IGF2R: variants seen among roughly 807,000 people sequenced by gnomAD.
The protein encoded by IGF2R is insulin like growth factor 2 receptor.
IGF2R carries 91 observed loss-of-function variants against 270.6 expected under a neutral mutation model. The observed-to-expected ratio is 0.34, with a 90% confidence interval of 0.28 to 0.40. The LOEUF is 0.40. IGF2R is among the 10% of genes least tolerant of loss of function. IGF2R has a pLI of 1.00. For missense variants in IGF2R, 2,805 were observed against 3,188.3 expected (o/e 0.88, Z 2.90); for synonymous variants, 1,316 against 1,258.9 (o/e 1.05, Z -0.96).
At chr6:159,970,602 G>A (rs1334431342) in intron 1 of IGF2R, among the ~76,000 whole-genome samples, 1 of 152,120 alleles carries the variant, frequency 6.6e-6, no homozygotes, top group African/African-American at 2.4e-5. Context: ...TTTTGGAAGG[G>A]GAAGGGTGGA....
At position 160,059,368 on chromosome 6, in the gene IGF2R, C is replaced by T. The variant is rs138485971; in HGVS notation, c.3091+270C>T. Among the ~76,000 whole-genome samples the T allele has an allele frequency of 4.5e-4, 69 of 152,350 alleles. 1 individual carries two copies. The highest frequency in any genetic ancestry group is 6.8e-3 in the Middle Eastern group (2 of 294). On this transcript the variant is annotated intron_variant, in intron 22 of 47. Transcript: ENST00000356956. The stretch of plus-strand genomic sequence containing the variant: ...GAAAGAATGAGAGAAACCACATTCA[C>T]GTAACTGTCATTACAGATATTGTTA...
chr6:159,995,400 CT>C (rs1248848163), intron 2 of IGF2R, among the ~76,000 whole-genome samples: 1 of 151,254 alleles, frequency 6.6e-6, no homozygotes, highest in Non-Finnish European at 1.5e-5. Flanking sequence ...CAATCTATAT[CT>C]TTTATGTAAA....
At position 159,992,728 on chromosome 6, in the gene IGF2R, T is replaced by C. The variant is rs530133504; in HGVS notation, c.289+1405T>C. 4.6e-5 allele frequency among the ~76,000 whole-genome samples: 7 copies of C among 152,296 alleles called. No individual in the cohort carries two copies. The South Asian group carries it at 1.2e-3, about 27-fold the overall frequency. On this transcript the variant is annotated intron_variant, in intron 2 of 47. Transcript: ENST00000356956. ...TATGGATAGTGCTGTGATAAACATA[T>C]GAGTGCAGGTGTCTTTCTGATGATT...
intron 4 of IGF2R, among the ~76,000 whole-genome samples, chr6:160,019,556 C>A (rs572809186): frequency 8.5e-5 from 13 of 152,170 alleles, no homozygotes; most frequent in Admixed American, 2.6e-4. Flanking sequence ...TAAACAGATT[C>A]AAAAATCTCA....
At chr6:160,054,642 A>G (rs1194031031) in intron 19 of IGF2R, among the ~76,000 whole-genome samples, 9 of 152,222 alleles carry the variant, frequency 5.9e-5, no homozygotes, top group African/African-American at 2.2e-4. Context: ...CGTCATGGAC[A>G]GGAATGCAAT....
At chr6:160,025,093 C>T (rs952937478) in intron 5 of IGF2R, among the ~76,000 whole-genome samples, 2 of 152,112 alleles carry the variant, frequency 1.3e-5, no homozygotes, top group African/African-American at 2.4e-5. Context: ...GGTACTTGGT[C>T]GGGATGCATA....
At chr6:160,038,332 T>C (rs906432294) in intron 10 of IGF2R, among the ~76,000 whole-genome samples, 9 of 152,222 alleles carry the variant, frequency 5.9e-5, no homozygotes, top group Non-Finnish European at 1.3e-4. Flanking sequence ...TGCTTAAATA[T>C]CAACCCAAGT....
intron 4 of IGF2R, among the ~76,000 whole-genome samples, chr6:160,023,012 T>C (rs1044402350): frequency 6.6e-6 from 1 of 152,156 alleles, no homozygotes; most frequent in Non-Finnish European, 1.5e-5. Context: ...AGTTGGAATT[T>C]CCTTCTCAGT....
intron 1 of IGF2R, among the ~76,000 whole-genome samples, chr6:159,984,203 CAATGACGG>C (rs557751699): frequency 1.4e-4 from 21 of 152,280 alleles, no homozygotes; most frequent in Non-Finnish European, 2.5e-4. Context: ...GCGTTTTGGC[CAATGACGG>C]ACTGCATAAA....
chr6:160,005,781 C>A (rs1478642207), intron 2 of IGF2R: 2 of 149,010 alleles, frequency 1.3e-5, no homozygotes, highest in African/African-American at 5.0e-5. Context: ...TTCCGCGCCT[C>A]CTTGGCCCCT....
At position 159,991,313 on chromosome 6, in the gene IGF2R, T is replaced by C. The variant is rs150881942; in HGVS notation, c.279T>C (p.Tyr93=). The C allele has an allele frequency of 2.2e-5, 35 of 1,609,752 alleles. No homozygotes were observed. The African/African-American group carries it at 2.3e-4, about 10-fold the overall frequency. The stretch of plus-strand genomic sequence containing the variant: ...TGCACGACTTGAAGACACGCACTTA[T>C]CATTCAGTGGGTAAGTAGAACTACC... The part of the protein sequence containing the change: ...VCMHDLKTRT[Y]HSVGDSVLRS... The change falls in exon 2 of 48, where the codon TAT becomes TAC. Residue 93 remains tyrosine (Y), a synonymous_variant. Coordinates refer to ENST00000356956, the MANE Select transcript of IGF2R (RefSeq NM_000876.4).
At chr6:160,028,909 A>T (rs568086387) in intron 6 of IGF2R, among the ~76,000 whole-genome samples, 38 of 150,346 alleles carry the variant, frequency 2.5e-4, no homozygotes, top group East Asian at 1.7e-3. Context: ...TCCTTTTTTT[A>T]AAAAAAATAA....
At chr6:160,075,053 G>A (rs1778825805) in intron 35 of IGF2R, among the ~76,000 whole-genome samples, 1 of 152,216 alleles carries the variant, frequency 6.6e-6, no homozygotes, top group East Asian at 1.9e-4. Flanking sequence ...AGTGGTGAAT[G>A]AAGAGCACTG....
rs771843243 is a variant in IGF2R at position 160,096,530 on chromosome 6, C to T, written c.6747C>T (p.Asp2249=). The change falls in exon 45 of 48, where the codon GAC becomes GAT. Residue 2249 remains aspartate (D), a synonymous_variant. Coordinates refer to ENST00000356956, the MANE Select transcript of IGF2R (RefSeq NM_000876.4). The part of the protein sequence containing the change: ...SVSSTIFFHC[D]PLVEDGIPEF... ...CTTCCACCATCTTCTTCCACTGTGA[C>T]CCTCTGGTGGAGGACGGGATCCCCG... The T allele has an allele frequency of 2.9e-5, 46 of 1,613,954 alleles. No homozygotes were observed. The East Asian group carries it at 1.0e-3, about 35-fold the overall frequency.
chr6:160,037,500 T>A (rs998276830), intron 10 of IGF2R, among the ~76,000 whole-genome samples: 6 of 152,228 alleles, frequency 3.9e-5, no homozygotes, highest in African/African-American at 1.2e-4. Context: ...GGCTATGTAA[T>A]AGAAGTGTGG....
chr6:160,099,550 G>A (rs983234869), intron 45 of IGF2R, among the ~76,000 whole-genome samples: 7 of 152,132 alleles, frequency 4.6e-5, no homozygotes, highest in African/African-American at 1.7e-4. Context: ...TGTATTTTTA[G>A]TAGAGACGGG....
At chr6:159,980,424 G>A (rs1783781754) in intron 1 of IGF2R, among the ~76,000 whole-genome samples, 1 of 152,208 alleles carries the variant, frequency 6.6e-6, no homozygotes. Flanking sequence ...TTGTGAATTT[G>A]TGATCAGAGA....
rs1261120450 is a variant in IGF2R at position 160,045,896 on chromosome 6, C to T, written c.1903+14C>T. The T allele has an allele frequency of 7.9e-6, 12 of 1,525,668 alleles. No individual in the cohort carries two copies. Among genetic ancestry groups the T allele is most frequent in the South Asian group, 1.3e-5 (1 of 76,782 alleles). 94.5% of individuals were successfully genotyped at this position (1,525,668 alleles called of 1,614,324 possible). A position where few individuals can be genotyped will look rare whatever the true frequency, so the allele number is the denominator to read the frequency against. On this transcript the variant is annotated intron_variant, in intron 14 of 47. Transcript: ENST00000356956. ...ACTCCCAGGCAGGTCTGTGTCCAAG[C>T]AGGACCTCTGCTTTAATGTGACTTG...
chr6:160,039,531 A>T (rs1777896931), intron 10 of IGF2R, among the ~76,000 whole-genome samples: 1 of 152,194 alleles, frequency 6.6e-6, no homozygotes, highest in Non-Finnish European at 1.5e-5. Context: ...CTGGTATTAT[A>T]ATTATAGTGA....
Sources: allele counts gnomAD v4.1 joint callset (sites outside exome capture counted in the v4.1 genomes callset), GRCh38; gene constraint gnomAD v4.1.1; transcripts MANE v1.5; gene names NCBI Gene and HGNC (gene_info 2026-07-23, HGNC 2026-07-21).